The following ITGA8 variants were observed in gnomAD, a reference collection of about 807,000 sequenced individuals.
ITGA8 encodes integrin alpha-8.
Under a neutral mutation model 142.3 loss-of-function variants are expected in ITGA8, and 91 were observed. The ratio of observed to expected loss-of-function variants is 0.64; its 90% confidence interval spans 0.54 to 0.76. The LOEUF is 0.76. ITGA8 is among the 30% of genes least tolerant of loss of function. The pLI is 0.00. For missense variants in ITGA8, 1,406 were observed against 1,327.7 expected, an observed-to-expected ratio of 1.06 and a Z score of -0.92; for synonymous variants, 505 against 485.2, an observed-to-expected ratio of 1.04 and a Z score of -0.54.
intron 2 of ITGA8, among the ~76,000 whole-genome samples, chr10:15,694,122 A>G (rs1834985231): frequency 6.9e-6 from 1 of 144,434 alleles, no homozygotes; most frequent in African/African-American, 2.6e-5. Context: ...TATATCATAT[A>G]TCTATATTAT....
At chr10:15,519,629 T>G (rs1471085340) in intron 28 of ITGA8, among the ~76,000 whole-genome samples, 1 of 152,042 alleles carries the variant, frequency 6.6e-6, no homozygotes, top group East Asian at 1.9e-4. Context: ...AATTAGAGAT[T>G]TGGTGGGTGG....
chr10:15,717,256 A>G (rs1385952987), intron 2 of ITGA8, among the ~76,000 whole-genome samples: 2 of 152,250 alleles, frequency 1.3e-5, no homozygotes, highest in African/African-American at 4.8e-5. Context: ...CACATCAACC[A>G]TGTCTCAAAA....
intron 27 of ITGA8, among the ~76,000 whole-genome samples, chr10:15,534,441 C>T (rs187633035): frequency 8.5e-5 from 13 of 152,284 alleles, no homozygotes; most frequent in Non-Finnish European, 1.3e-4. Flanking sequence ...ATATCTTCTA[C>T]AGAACCTAGA....
At chr10:15,683,658 T>A (rs188556577) in intron 4 of ITGA8, among the ~76,000 whole-genome samples, 1 of 152,344 alleles carries the variant, frequency 6.6e-6, no homozygotes, top group African/African-American at 2.4e-5. Context: ...TAACACCGTT[T>A]TGGCAATAAA....
chr10:15,663,577 T>A (rs999694683), intron 8 of ITGA8, among the ~76,000 whole-genome samples: 8 of 150,354 alleles, frequency 5.3e-5, no homozygotes, highest in African/African-American at 1.9e-4. Flanking sequence ...ACAAGACTCT[T>A]TTTTTTTTTG....
intron 13 of ITGA8, among the ~76,000 whole-genome samples, chr10:15,642,564 A>G (rs538992670): frequency 1.3e-5 from 2 of 152,328 alleles, no homozygotes; most frequent in African/African-American, 2.4e-5. Flanking sequence ...AAATTTGGAT[A>G]TATTATGTAT....
rs7895372 is a variant in ITGA8 at position 15,677,622 on chromosome 10, C to G, written c.646G>C (p.Val216Leu). 8,430 of 1,613,238 alleles carry G rather than the reference C, an allele frequency of 5.2e-3. 369 individuals are homozygous for G. The African/African-American group carries it at 0.098, about 19-fold the overall frequency. ...CAGTAGAAACTCCCAGGTCCTCCCA[C>G]AATAAGGTCTCCATTCTACAAAACA... ...LDFYKNGDLI[V>L]GGPGSFYWQG... Residue 216 changes from valine (V) to leucine (L), a missense_variant, in exon 6 of 30, where the codon GTG becomes CTG. By Grantham distance (32) the Val-to-Leu change is conservative (BLOSUM62 1). Coordinates refer to ENST00000378076, the MANE Select transcript of ITGA8 (RefSeq NM_003638.3).
rs1588750811 is a variant in ITGA8 at position 15,718,655 on chromosome 10, T to C, written c.343+111A>G. Reference sequence around the variant, plus strand: ...ACCCACATAGCCCACAATACGGACATATCAGACAAGCTAAACGAGCAGCAC... The same window carrying C: ...ACCCACATAGCCCACAATACGGACACATCAGACAAGCTAAACGAGCAGCAC... On this transcript the variant is annotated intron_variant, in intron 2 of 29. Transcript: ENST00000378076. 10 of 1,362,380 alleles carry C rather than the reference T, an allele frequency of 7.3e-6. No homozygotes were observed. The East Asian group carries it at 2.3e-4, about 31-fold the overall frequency. The allele number at this position is 1,362,380 out of a possible 1,614,324, so 84.4% of individuals were successfully genotyped here. A position where few individuals can be genotyped will look rare whatever the true frequency, so the allele number is the denominator to read the frequency against.
intron 3 of ITGA8, among the ~76,000 whole-genome samples, chr10:15,684,992 A>G (rs375197008): frequency 6.6e-6 from 1 of 152,116 alleles, no homozygotes; most frequent in East Asian, 1.9e-4. Flanking sequence ...GCACTTCTCC[A>G]TTTTCACAGT....
intron 3 of ITGA8, among the ~76,000 whole-genome samples, chr10:15,685,565 T>C (rs747540517): frequency 1.4e-4 from 22 of 152,218 alleles, no homozygotes; most frequent in Non-Finnish European, 2.8e-4. Context: ...TGATTATGCA[T>C]TTGTTGTTAT....
intron 13 of ITGA8, among the ~76,000 whole-genome samples, chr10:15,632,715 G>A (rs950708155): frequency 1.3e-5 from 2 of 152,028 alleles, no homozygotes; most frequent in African/African-American, 4.8e-5. Context: ...TTGGTAAGTG[G>A]TACAAATCTG....
chr10:15,666,668 C>A (rs925055133), intron 8 of ITGA8, among the ~76,000 whole-genome samples: 1 of 152,060 alleles, frequency 6.6e-6, no homozygotes, highest in Non-Finnish European at 1.5e-5. Flanking sequence ...TCATAGATAG[C>A]TCTTATTATT....
intron 2 of ITGA8, among the ~76,000 whole-genome samples, chr10:15,709,660 A>G (rs1835328068): frequency 6.6e-6 from 1 of 152,168 alleles, no homozygotes; most frequent in African/African-American, 2.4e-5. Flanking sequence ...AAGTTTTGTG[A>G]ACTGATTGCA....
intron 13 of ITGA8, among the ~76,000 whole-genome samples, chr10:15,628,086 T>C (rs1198537900): frequency 3.3e-5 from 5 of 151,838 alleles, no homozygotes; most frequent in Non-Finnish European, 5.9e-5. Context: ...CGTAAGAAAA[T>C]TACCCTATAT....
chr10:15,586,424 A>G (rs1320920440), intron 23 of ITGA8, among the ~76,000 whole-genome samples, 160 bp downstream of exon 23: 4 of 152,160 alleles, frequency 2.6e-5, no homozygotes, highest in South Asian at 2.1e-4. Flanking sequence ...CTGCTTTCCA[A>G]TGGAAGGCTA....
intron 27 of ITGA8, among the ~76,000 whole-genome samples, chr10:15,541,330 G>A (rs763015550): frequency 1.2e-4 from 18 of 152,278 alleles, no homozygotes; most frequent in Non-Finnish European, 2.2e-4. Flanking sequence ...CCCAATTTTG[G>A]GGTTCACCTG....
chr10:15,686,475 A>C (rs1834834830), intron 3 of ITGA8, among the ~76,000 whole-genome samples: 2 of 152,232 alleles, frequency 1.3e-5, no homozygotes, highest in South Asian at 4.1e-4. Context: ...CATGCCATGA[A>C]AATTCTTTCT....
At chr10:15,628,059 T>G (rs1250928303) in intron 13 of ITGA8, among the ~76,000 whole-genome samples, 1 of 152,012 alleles carries the variant, frequency 6.6e-6, no homozygotes, top group East Asian at 1.9e-4. Flanking sequence ...TATGACAGTT[T>G]GCAAATGCCA....
chr10:15,686,876 C>A (rs1419184686), intron 3 of ITGA8, among the ~76,000 whole-genome samples: 1 of 151,968 alleles, frequency 6.6e-6, no homozygotes, highest in Non-Finnish European at 1.5e-5. Flanking sequence ...AATAAATATG[C>A]AACTATTATA....
Sources: allele counts gnomAD v4.1 joint callset (sites outside exome capture counted in the v4.1 genomes callset), GRCh38; gene constraint gnomAD v4.1.1; transcripts MANE v1.5; gene names NCBI Gene and HGNC (gene_info 2026-07-23, HGNC 2026-07-21).